C4orf33: variants seen among roughly 807,000 people sequenced by gnomAD.
C4orf33 encodes chromosome 4 open reading frame 33.
A neutral mutation model predicts 24.3 loss-of-function variants in C4orf33; 20 were observed. The observed-to-expected ratio is 0.82, with a 90% CI of 0.58 to 1.19. C4orf33 has a LOEUF of 1.19. Among genes scored for constraint, C4orf33 ranks in the 50% most tolerant of loss-of-function variants. The pLI, the probability that C4orf33 is intolerant of heterozygous loss-of-function variation, is 0.00. For missense variants in C4orf33, 207 were observed against 225.9 expected (o/e 0.92, Z 0.54); for synonymous variants, 67 against 76.4 (o/e 0.88, Z 0.64).
At chr4:129,098,665 C>G (rs1438149646) in intron 1 of C4orf33, among the ~76,000 whole-genome samples, 1 of 152,214 alleles carries the variant, frequency 6.6e-6, no homozygotes, top group Non-Finnish European at 1.5e-5. Flanking sequence ...AGGAAAATGG[C>G]TGCTCCATAG....
chr4:129,111,755 A>C lies in C4orf33; in HGVS notation c.564A>C (p.Glu188Asp). ...TLLGEEWKQPESDLWLIEKCD... is the reference protein window; with the variant it reads ...TLLGEEWKQPDSDLWLIEKCD... ...TTGGAGAAGAGTGGAAACAACCGGA[A>C]TCAGACCTGTGGCTAATAGAGAAAT... The change falls in exon 6 of 6, where the codon GAA becomes GAC. Residue 188 changes from glutamate to aspartate, a missense_variant. Transcript: ENST00000425929. 1 of 1,612,352 alleles carries C rather than the reference A, an allele frequency of 6.2e-7. No homozygotes were observed.
In C4orf33 at chr4:129,116,210, G is replaced by A. The variant is rs977426717; in HGVS notation, c.*4419G>A. 1 of 151,864 alleles carries A rather than the reference G, an allele frequency of 6.6e-6. No individual in the cohort carries two copies. The highest frequency in any genetic ancestry group is 1.5e-5 in the Non-Finnish European group (1 of 67,968). 9.4% of individuals were successfully genotyped at this position (151,864 alleles called of 1,614,324 possible). On this transcript the variant is annotated 3_prime_UTR_variant, in exon 6 of 6. Coordinates refer to ENST00000425929, the MANE Select transcript of C4orf33 (RefSeq NM_001099783.2). Reference sequence around the variant, plus strand: ...TTCTTTTCCATGTAATGGGATCTACGAGTAAATTTTTGTCTGATATTTATA... The same window carrying A: ...TTCTTTTCCATGTAATGGGATCTACAAGTAAATTTTTGTCTGATATTTATA...
intron 3 of C4orf33, among the ~76,000 whole-genome samples, chr4:129,107,196 G>C (rs879343359): frequency 6.6e-6 from 1 of 151,816 alleles, no homozygotes; most frequent in Admixed American, 6.6e-5. Context: ...TTCAGTGCCA[G>C]GGTTTAAAAA....
At position 129,114,168 on chromosome 4, in the gene C4orf33, T is replaced by C. The variant is rs1274982670; in HGVS notation, c.*2377T>C. 1 of 152,260 alleles carries C rather than the reference T, an allele frequency of 6.6e-6. No individual in the cohort carries two copies. Among genetic ancestry groups the C allele is most frequent in the Non-Finnish European group, 1.5e-5 (1 of 68,106 alleles). 9.4% of individuals were successfully genotyped at this position (152,260 alleles called of 1,614,324 possible). On this transcript the variant is annotated 3_prime_UTR_variant, in exon 6 of 6. Coordinates refer to ENST00000425929, the MANE Select transcript of C4orf33 (RefSeq NM_001099783.2). ...CTTCCTGCCCCTAGGGCTTCTCTGC[T>C]TCCTCTGCTGTGTGGAACACTTGCA...
chr4:129,095,295 G>A (rs1388284128), upstream of C4orf33, among the ~76,000 whole-genome samples: 1 of 152,046 alleles, frequency 6.6e-6, no homozygotes, highest in African/African-American at 2.4e-5. Flanking sequence ...TTCTCCCAAG[G>A]TAGGTGCCAC....
Position 129,106,647 on chromosome 4 carries a change from C to T in C4orf33, c.242C>T (p.Pro81Leu), listed in dbSNP as rs113988895. The part of the protein sequence containing the change: ...TEQYLEVELC[P>L]HGQHLVLLLS... ...CAATATTTAGAAGTTGAACTTTGTC[C>T]GTAAGTATAAAATGTTTTTTCTTAC... Residue 81 changes from proline (P) to leucine (L), a missense_variant and splice_region_variant, in exon 3 of 6, where the codon CCC (proline) becomes CTC (leucine). By Grantham distance (98) the Pro-to-Leu change is moderately conservative (BLOSUM62 -3). Transcript: ENST00000425929. 42 of 1,484,016 alleles carry T rather than the reference C, an allele frequency of 2.8e-5. No individual in the cohort carries two copies. The highest frequency in any genetic ancestry group is 1.4e-4 in the African/African-American group (10 of 70,718). The allele number at this position is 1,484,016 out of a possible 1,614,324, so 91.9% of individuals were successfully genotyped here.
rs1753707658 is a variant in C4orf33, at chr4:129,112,244, A to G, written c.*453A>G. ...TGTAAACAGTGAAATTTCCATCCAT[A>G]GGAAAATGGATAGACAAACTACAAT... On this transcript the variant is annotated 3_prime_UTR_variant, in exon 6 of 6. Transcript: ENST00000425929. 1 of 152,710 alleles carries G rather than the reference A, an allele frequency of 6.5e-6. No individual in the cohort carries two copies. The highest frequency in any genetic ancestry group is 2.4e-5 in the African/African-American group (1 of 41,462). 9.5% of individuals were successfully genotyped at this position (152,710 alleles called of 1,614,324 possible). A position where few individuals can be genotyped will look rare whatever the true frequency, so the allele number is the denominator to read the frequency against.
intron 2 of C4orf33, 165 bp downstream of exon 2, chr4:129,102,956 T>C: frequency 1.9e-6 from 1 of 531,340 alleles, no homozygotes; most frequent in Non-Finnish European, 3.2e-6. Flanking sequence ...TTTTCTCCAT[T>C]ACCTGTGTGA....
At chr4:129,100,797 A>T (rs1580007524) in intron 1 of C4orf33, 1 of 152,208 alleles carries the variant, frequency 6.6e-6, no homozygotes, top group Non-Finnish European at 1.5e-5. Context: ...ATTTTCTCTC[A>T]GCCTATTGGT....
At chr4:129,103,353 C>T (rs535769659) in intron 2 of C4orf33, among the ~76,000 whole-genome samples, 4 of 152,136 alleles carry the variant, frequency 2.6e-5, no homozygotes. Context: ...GCCTTATTTT[C>T]TTCCTTTATT....
intron 2 of C4orf33, 83 bp downstream of exon 2, chr4:129,102,874 T>C (rs1282486124): frequency 7.6e-7 from 1 of 1,317,194 alleles, no homozygotes; most frequent in African/African-American, 1.5e-5. Flanking sequence ...ATCTTGCTGT[T>C]GGGAAGTAAG....
intron 1 of C4orf33, among the ~76,000 whole-genome samples, chr4:129,101,423 T>C (rs1753347638): frequency 6.6e-6 from 1 of 152,166 alleles, no homozygotes; most frequent in South Asian, 2.1e-4. Context: ...TTGGAAAGGT[T>C]ATCAGGTACT....
upstream of C4orf33, among the ~76,000 whole-genome samples, chr4:129,094,737 T>C (rs1245508549): frequency 6.6e-6 from 1 of 152,158 alleles, no homozygotes; most frequent in Non-Finnish European, 1.5e-5. Context: ...TGTTCTGATT[T>C]TTAGTAGCTA....
At chr4:129,096,068 C>T (rs1753195126), upstream of C4orf33, 2 of 152,152 alleles carry the variant, frequency 1.3e-5, no homozygotes, top group Non-Finnish European at 2.9e-5. Context: ...ATCTTTCTTT[C>T]CTAGAAAAAT....
At chr4:129,107,176 C>T (rs576477988) in intron 3 of C4orf33, among the ~76,000 whole-genome samples, 1 of 151,962 alleles carries the variant, frequency 6.6e-6, no homozygotes, top group African/African-American at 2.4e-5. Flanking sequence ...TATGCTGTGT[C>T]ACTTTTGCAT....
intron 1 of C4orf33, among the ~76,000 whole-genome samples, chr4:129,099,749 G>A (rs1753300094): frequency 6.6e-6 from 1 of 152,162 alleles, no homozygotes; most frequent in African/African-American, 2.4e-5. Flanking sequence ...AAATTGAAAG[G>A]TTGTGGGGGT....
intron 2 of C4orf33, 92 bp downstream of exon 2, chr4:129,102,883 A>T: frequency 1.7e-6 from 2 of 1,161,706 alleles, no homozygotes; most frequent in Non-Finnish European, 2.4e-6. Flanking sequence ...TTGGGAAGTA[A>T]GTGCTTCTGA....
At chr4:129,105,962 T>G (rs1324492210) in intron 2 of C4orf33, among the ~76,000 whole-genome samples, 2 of 152,164 alleles carry the variant, frequency 1.3e-5, no homozygotes, top group Non-Finnish European at 2.9e-5. Context: ...CACATGCAAT[T>G]TTAATGTCAT....
rs1268921015 is a variant in C4orf33, at chr4:129,111,682, T to G, written c.495-4T>G. On this transcript the variant is annotated splice_region_variant and splice_polypyrimidine_tract_variant and intron_variant, in intron 5 of 5. Coordinates refer to ENST00000425929, the MANE Select transcript of C4orf33 (RefSeq NM_001099783.2). ...ATTCCCACCTTCTTTTTCTTTGCTTTTAGCCATTGCCTAGAATACTTCAAG... is the reference window on the plus strand; with the variant it reads ...ATTCCCACCTTCTTTTTCTTTGCTTGTAGCCATTGCCTAGAATACTTCAAG... 4.4e-6 allele frequency: 7 copies of G among 1,575,482 alleles called. No individual in the cohort carries two copies. Among genetic ancestry groups the G allele is most frequent in the Non-Finnish European group, 6.1e-6 (7 of 1,149,028 alleles).
Sources: gnomAD v4.1 joint callset for allele counts (sites outside exome capture counted in the v4.1 genomes callset) on GRCh38, gnomAD v4.1.1 for gene constraint, MANE v1.5 for transcripts, NCBI Gene and HGNC (gene_info 2026-07-23, HGNC 2026-07-21) for gene names.